Variants in WWOX observed in about 807,000 individuals in gnomAD.
The protein encoded by WWOX is WW domain containing oxidoreductase.
In WWOX, 69 loss-of-function variants were observed where a neutral mutation model predicts 46.2. That is an observed-to-expected ratio of 1.49 (90% CI 1.23 to 1.82). WWOX has a LOEUF of 1.82. Among genes scored for constraint, WWOX ranks in the 40% most tolerant of loss-of-function variants. The pLI is 0.00. For synonymous variants in WWOX, 359 were observed against 202.6 expected (o/e 1.77, Z -6.56); for missense variants, 919 against 542.6 (o/e 1.69, Z -6.89).
intron 5 of WWOX, among the ~76,000 whole-genome samples, chr16:78,296,691 A>C (rs1279874792): frequency 1.3e-5 from 2 of 152,118 alleles, no homozygotes; most frequent in African/African-American, 4.8e-5. Context: ...AGATGATTTT[A>C]TTTTTAATGA....
At chr16:78,990,083 C>T (rs1373489559) in intron 8 of WWOX, among the ~76,000 whole-genome samples, 1 of 150,898 alleles carries the variant, frequency 6.6e-6, no homozygotes, top group Non-Finnish European at 1.5e-5. Flanking sequence ...ACTCGGGAGG[C>T]TGAAGTGGGA....
intron 8 of WWOX, among the ~76,000 whole-genome samples, chr16:78,537,358 G>A (rs1464079685): frequency 2.0e-5 from 3 of 152,156 alleles, no homozygotes; most frequent in African/African-American, 7.2e-5. Flanking sequence ...TAGATGAAGG[G>A]TTAGGAAGAT....
chr16:78,431,918 G>A (rs1488749549), intron 7 of WWOX, among the ~76,000 whole-genome samples: 1 of 151,946 alleles, frequency 6.6e-6, no homozygotes, highest in East Asian at 1.9e-4. Flanking sequence ...GTCTCCCTAT[G>A]TTGCCTAAGC....
intron 8 of WWOX, among the ~76,000 whole-genome samples, chr16:78,874,052 G>C (rs1427410155): frequency 6.6e-6 from 1 of 151,722 alleles, no homozygotes; most frequent in Non-Finnish European, 1.5e-5. Flanking sequence ...ACAAGGTCAG[G>C]AGTTTGAAAC....
At chr16:79,196,765 T>G (rs1183226775) in intron 8 of WWOX, among the ~76,000 whole-genome samples, 1 of 152,106 alleles carries the variant, frequency 6.6e-6, no homozygotes, top group African/African-American at 2.4e-5. Flanking sequence ...ACATGTAGAT[T>G]TCACTTGTTG....
intron 8 of WWOX, among the ~76,000 whole-genome samples, chr16:78,882,360 G>A (rs934941532): frequency 6.6e-6 from 1 of 152,112 alleles, no homozygotes; most frequent in Non-Finnish European, 1.5e-5. Flanking sequence ...AAATAGCACA[G>A]CAATCTGACA....
rs2034888503 is a variant in WWOX at position 78,164,132 on chromosome 16, T to G, written c.410-51T>G. On this transcript the variant is annotated intron_variant, in intron 4 of 8. Coordinates refer to ENST00000566780, the MANE Select transcript of WWOX (RefSeq NM_016373.4). ...TCCGGTAAAGGCCATTCAACATGAC[T>G]CACTGTGTTGATGTTATGTTTTCTA... 3 of 1,512,850 alleles carry G rather than the reference T, an allele frequency of 2.0e-6. No individual in the cohort carries two copies. The South Asian group carries it at 3.5e-5, about 18-fold the overall frequency. The allele number at this position is 1,512,850 out of a possible 1,614,324, so 93.7% of individuals were successfully genotyped here. A position where few individuals can be genotyped will look rare whatever the true frequency, so the allele number is the denominator to read the frequency against.
chr16:78,111,327 T>C (rs1184535411), intron 3 of WWOX, among the ~76,000 whole-genome samples: 1 of 152,216 alleles, frequency 6.6e-6, no homozygotes, highest in Non-Finnish European at 1.5e-5. Context: ...CAATTATCAA[T>C]CATTACTATA....
intron 5 of WWOX, among the ~76,000 whole-genome samples, chr16:78,261,817 T>TATATATATAC (rs1567464802): frequency 6.2e-5 from 9 of 146,162 alleles, no homozygotes; most frequent in African/African-American, 1.8e-4. Flanking sequence ...TATATATATA[T>TATATATATAC]ACTTATAATG....
At chr16:78,591,826 G>A (rs560844547) in intron 8 of WWOX, among the ~76,000 whole-genome samples, 5 of 152,304 alleles carry the variant, frequency 3.3e-5, no homozygotes, top group African/African-American at 1.2e-4. Context: ...AAAACTCAAA[G>A]AAGATGTAAC....
chr16:78,966,999 C>G (rs183868410), intron 8 of WWOX, among the ~76,000 whole-genome samples: 116 of 152,304 alleles, frequency 7.6e-4, no homozygotes, highest in African/African-American at 2.4e-3. Flanking sequence ...ATTGTCTCCA[C>G]TGGAAGAAGA....
At chr16:78,859,052 A>G (rs1421278240) in intron 8 of WWOX, among the ~76,000 whole-genome samples, 20 of 64,902 alleles carry the variant, frequency 3.1e-4, no homozygotes, top group Middle Eastern at 9.1e-3. Context: ...ATATATATGT[A>G]TATATATATA....
At chr16:79,054,039 A>G (rs759824575) in intron 8 of WWOX, among the ~76,000 whole-genome samples, 2 of 152,156 alleles carry the variant, frequency 1.3e-5, no homozygotes, top group East Asian at 1.9e-4. Context: ...TGCAAATTTT[A>G]TTACCTCATT....
In WWOX at chr16:78,681,736, T is replaced by G. The variant is rs141216114; in HGVS notation, c.1056+248984T>G. 7.8e-3 allele frequency among the ~76,000 whole-genome samples: 1,190 copies of G among 152,288 alleles called. 11 individuals are homozygous for G. Among genetic ancestry groups the G allele is most frequent in the Non-Finnish European group, 0.014 (933 of 68,020 alleles). ...ATTACCTGAAGTGAATGGGACAGTT[T>G]CCAATACTCAGCACAAAGGCGTGCG... is the stretch of plus-strand genomic sequence containing the variant. On this transcript the variant is annotated intron_variant, in intron 8 of 8. Coordinates refer to ENST00000566780, the MANE Select transcript of WWOX (RefSeq NM_016373.4).
chr16:78,508,331 T>A (rs964612134), intron 8 of WWOX, among the ~76,000 whole-genome samples: 1 of 84,794 alleles, frequency 1.2e-5, no homozygotes, highest in African/African-American at 3.6e-5. Flanking sequence ...TTTTTTTTTT[T>A]TTTTTTTTTA....
chr16:79,111,615 T>G (rs187824645), intron 8 of WWOX, among the ~76,000 whole-genome samples: 1 of 152,224 alleles, frequency 6.6e-6, no homozygotes, highest in Admixed American at 6.5e-5. Context: ...AGAAAAGAGC[T>G]GCAATTGTCA....
chr16:79,015,439 G>A (rs987437332), intron 8 of WWOX, among the ~76,000 whole-genome samples: 30 of 152,284 alleles, frequency 2.0e-4, no homozygotes, highest in African/African-American at 7.2e-4. Context: ...TGATGGTGAG[G>A]ATTTAAGAGT....
chr16:78,907,437 G>T (rs936766566), intron 8 of WWOX, among the ~76,000 whole-genome samples: 12 of 152,138 alleles, frequency 7.9e-5, no homozygotes, highest in African/African-American at 2.9e-4. Flanking sequence ...CAGAATTCAG[G>T]CTCCTGTCCT....
chr16:78,711,675 G>C (rs555917622), intron 8 of WWOX, among the ~76,000 whole-genome samples: 18 of 152,250 alleles, frequency 1.2e-4, no homozygotes, highest in Non-Finnish European at 2.1e-4. Flanking sequence ...CCAAATGAAA[G>C]AACCTTCCAT....
Sources: gnomAD v4.1 joint callset for allele counts (sites outside exome capture counted in the v4.1 genomes callset) on GRCh38, gnomAD v4.1.1 for gene constraint, MANE v1.5 for transcripts, NCBI Gene and HGNC (gene_info 2026-07-23, HGNC 2026-07-21) for gene names.